XPNPEP1: variants seen among roughly 807,000 people sequenced by gnomAD.
The protein encoded by XPNPEP1 is xaa-Pro aminopeptidase 1.
XPNPEP1 carries 39 observed loss-of-function variants against 92.4 expected under a neutral mutation model. That is an observed-to-expected ratio of 0.42 (90% CI 0.33 to 0.55). XPNPEP1 has a LOEUF of 0.55. Among genes scored for constraint, XPNPEP1 ranks in the 20% least tolerant of loss-of-function variants. XPNPEP1 has a pLI of 0.08. For synonymous variants in XPNPEP1, 307 were observed against 299.4 expected (o/e 1.03, Z -0.26); for missense variants, 654 against 856.1 (o/e 0.76, Z 2.95).
intron 3 of XPNPEP1, among the ~76,000 whole-genome samples, chr10:109,902,845 A>G (rs1336312532): frequency 6.6e-6 from 1 of 152,244 alleles, no homozygotes; most frequent in Non-Finnish European, 1.5e-5. Context: ...AAGCCATCTA[A>G]TTCTGATATT....
intron 1 of XPNPEP1, among the ~76,000 whole-genome samples, chr10:109,917,189 A>G (rs1384130699): frequency 6.6e-6 from 1 of 152,228 alleles, no homozygotes; most frequent in Non-Finnish European, 1.5e-5. Flanking sequence ...AAGAAGAAGT[A>G]AAACTATCTC....
At chr10:109,873,939 A>G (rs1460235883) in intron 15 of XPNPEP1, among the ~76,000 whole-genome samples, 3 of 152,218 alleles carry the variant, frequency 2.0e-5, no homozygotes, top group Non-Finnish European at 1.5e-5. Context: ...AGGCAAATCC[A>G]TAGATACAGA....
Position 109,887,285 on chromosome 10 carries a change from G to T in XPNPEP1, c.652+764C>A, listed in dbSNP as rs540565644. Among the ~76,000 whole-genome samples, 5 of 152,244 alleles carry T rather than the reference G, an allele frequency of 3.3e-5. No homozygotes were observed. The South Asian group carries it at 1.0e-3, about 32-fold the overall frequency. On this transcript the variant is annotated intron_variant, in intron 7 of 20. Coordinates refer to ENST00000502935, the MANE Select transcript of XPNPEP1 (RefSeq NM_020383.4). ...TCACTGGACCCATCCTCCCCATTCCGCAATACCCCTCTGGTGAGGATGTCA... is the reference window on the plus strand; with the variant it reads ...TCACTGGACCCATCCTCCCCATTCCTCAATACCCCTCTGGTGAGGATGTCA...
intron 3 of XPNPEP1, among the ~76,000 whole-genome samples, chr10:109,903,157 C>G (rs1019221900): frequency 3.3e-5 from 5 of 152,212 alleles, no homozygotes; most frequent in Non-Finnish European, 5.9e-5. Context: ...AATATCCTAA[C>G]TCCAGGCAAA....
At chr10:109,897,159 G>A (rs1167761473) in intron 3 of XPNPEP1, among the ~76,000 whole-genome samples, 1 of 151,786 alleles carries the variant, frequency 6.6e-6, no homozygotes, top group African/African-American at 2.4e-5. Flanking sequence ...CAATATTTCA[G>A]AAGAAGCCAG....
Position 109,875,515 on chromosome 10 carries a change from C to G in XPNPEP1, c.1391+13G>C, listed in dbSNP as rs919827935. 1 of 1,613,610 alleles carries G rather than the reference C, an allele frequency of 6.2e-7. No homozygotes were observed. Among genetic ancestry groups the G allele is most frequent in the African/African-American group, 1.3e-5 (1 of 75,026 alleles). ...TCCATAGTCAAGTTCCACAGCAGTC[C>G]TGGTTTACTTACTTGTATTGAGCAC... On this transcript the variant is annotated intron_variant, in intron 15 of 20. Transcript: ENST00000502935.
chr10:109,879,115 G>GC (rs1847944125), intron 12 of XPNPEP1, among the ~76,000 whole-genome samples: 1 of 151,698 alleles, frequency 6.6e-6, no homozygotes, highest in South Asian at 2.1e-4. Flanking sequence ...GGTGGCGGGC[G>GC]CCTGTAGTCC....
chr10:109,894,347 A>G (rs1049212986), intron 3 of XPNPEP1, among the ~76,000 whole-genome samples: 2 of 151,778 alleles, frequency 1.3e-5, no homozygotes, highest in African/African-American at 4.8e-5. Context: ...GCCTGGGAGC[A>G]TGGTGAAACC....
chr10:109,915,002 A>AATT lies in XPNPEP1; in HGVS notation c.121+6_121+8dup. 2.0e-6 allele frequency: 3 copies of AATT among 1,503,244 alleles called. No homozygotes were observed. The allele number at this position is 1,503,244 out of a possible 1,614,324, so 93.1% of individuals were successfully genotyped here. On this transcript the variant is annotated intron_variant, in intron 2 of 20. Coordinates refer to ENST00000502935, the MANE Select transcript of XPNPEP1 (RefSeq NM_020383.4). ...GATGTTCCATCTAATTTCCAGACAA[A>AATT]ATTATTACCTGTTTCCACACCTGTG...
rs555355324 is a variant in XPNPEP1, at chr10:109,876,622, C to A, written c.1320-1023G>T. 4.6e-5 allele frequency: 7 copies of A among 152,378 alleles called. No individual in the cohort carries two copies. The South Asian group carries it at 1.2e-3, about 27-fold the overall frequency. The allele number at this position is 152,378 out of a possible 1,614,324, so 9.4% of individuals were successfully genotyped here. On this transcript the variant is annotated intron_variant, in intron 14 of 20. Transcript: ENST00000502935. ...AGAAGCATTAAGTGAGGAAACTGTA[C>A]TGTCCCATCTGTGACTGTCTCCCAC...
intron 3 of XPNPEP1, among the ~76,000 whole-genome samples, chr10:109,907,432 A>G (rs995020344): frequency 6.6e-6 from 1 of 152,236 alleles, no homozygotes; most frequent in African/African-American, 2.4e-5. Context: ...GTATGCCAGC[A>G]ACAGAAAGTT....
intron 7 of XPNPEP1, 31 bp downstream of exon 7, chr10:109,888,018 G>C (rs368689854): frequency 9.1e-5 from 146 of 1,610,222 alleles, no homozygotes; most frequent in Non-Finnish European, 9.9e-5. Context: ...CAATGGCAGG[G>C]GCCCTGCTGG....
At chr10:109,923,211 G>C (rs1850654404) in intron 1 of XPNPEP1, 191 bp downstream of exon 1, 1 of 985,234 alleles carries the variant, frequency 1.0e-6, no homozygotes, top group South Asian at 4.7e-5. Flanking sequence ...AAACGAACCG[G>C]ATCTCGCCCG....
intron 3 of XPNPEP1, among the ~76,000 whole-genome samples, chr10:109,902,681 G>A (rs1017293447): frequency 3.9e-5 from 6 of 152,226 alleles, no homozygotes; most frequent in African/African-American, 9.6e-5. Context: ...GACAGCAAGA[G>A]TGCAAAAATG....
chr10:109,890,319 G>A (rs573616281), intron 5 of XPNPEP1, among the ~76,000 whole-genome samples: 35 of 152,304 alleles, frequency 2.3e-4, no homozygotes, highest in African/African-American at 8.2e-4. Context: ...TCTACTGGGT[G>A]CAAGAAGAAA....
chr10:109,871,763 C>G (rs756995286), intron 17 of XPNPEP1, 29 bp downstream of exon 17: 13 of 1,599,592 alleles, frequency 8.1e-6, no homozygotes, highest in Non-Finnish European at 1.1e-5. Context: ...AGAAAAAGAG[C>G]CTGCCATGTG....
chr10:109,878,419 G>A, intron 12 of XPNPEP1: 1 of 187,262 alleles, frequency 5.3e-6, no homozygotes, highest in Non-Finnish European at 1.1e-5. Flanking sequence ...GATTATTGCA[G>A]GATTACTGAT....
intron 2 of XPNPEP1, among the ~76,000 whole-genome samples, chr10:109,911,413 C>G (rs1016592976): frequency 5.9e-5 from 9 of 152,128 alleles, no homozygotes; most frequent in Non-Finnish European, 7.4e-5. Context: ...ATCCAGCTAT[C>G]CTTTCGTCTA....
chr10:109,872,597 A>C (rs903910104), intron 16 of XPNPEP1, among the ~76,000 whole-genome samples: 14 of 152,240 alleles, frequency 9.2e-5, no homozygotes, highest in Admixed American at 7.9e-4. Context: ...GGAAAAGGCA[A>C]GGGACCAAGA....
Sources: allele counts gnomAD v4.1 joint callset (sites outside exome capture counted in the v4.1 genomes callset), GRCh38; gene constraint gnomAD v4.1.1; transcripts MANE v1.5; gene names NCBI Gene and HGNC (gene_info 2026-07-23, HGNC 2026-07-21).